The following CSMD1 variants were observed in gnomAD, a reference collection of about 807,000 sequenced individuals.
CSMD1 encodes CUB and sushi domain-containing protein 1.
In CSMD1, 213 loss-of-function variants were observed where a neutral mutation model predicts 417.5. The observed-to-expected ratio is 0.51, with a 90% CI of 0.46 to 0.57. The LOEUF (loss-of-function observed/expected upper bound fraction) is 0.57. Ranked by LOEUF, CSMD1 falls within the 20% of genes least tolerant of loss-of-function variation. The probability of loss-of-function intolerance (pLI) is 0.00; values close to 1 mark genes in which losing one functional copy is unlikely to be tolerated. For synonymous variants in CSMD1, 2,862 were observed against 1,736.8 expected (o/e 1.65, Z -16.11); for missense variants, 6,923 against 4,529.7 (o/e 1.53, Z -15.17).
chr8:4,618,445 G>T lies in CSMD1; in HGVS notation c.302+18897C>A. Among the ~76,000 whole-genome samples, 3 of 152,192 alleles carry T rather than the reference G, an allele frequency of 2.0e-5. No homozygotes were observed. In the South Asian group the frequency reaches 6.2e-4, roughly 32 times the overall value. ...AGGTGGGCAGGACTCACGGAGTGCT[G>T]TTAGGGACCTAAGGCCTATTTTATA... On this transcript the variant is annotated intron_variant, in intron 2 of 69. Coordinates refer to ENST00000635120, the MANE Select transcript of CSMD1 (RefSeq NM_033225.6).
At chr8:4,077,279 CTATA>C (rs34522635) in intron 3 of CSMD1, among the ~76,000 whole-genome samples, 5 of 94,990 alleles carry the variant, frequency 5.3e-5, no homozygotes, top group African/African-American at 1.7e-4. Flanking sequence ...CATTTGTCAC[CTATA>C]TATATATATA....
intron 10 of CSMD1, among the ~76,000 whole-genome samples, chr8:3,551,194 A>T (rs545924830): frequency 6.6e-6 from 1 of 152,230 alleles, no homozygotes; most frequent in Non-Finnish European, 1.5e-5. Context: ...AGATTCAGTG[A>T]GATAATGAAC....
intron 2 of CSMD1, among the ~76,000 whole-genome samples, chr8:4,511,392 C>T (rs1332788441): frequency 4.6e-5 from 7 of 152,180 alleles, no homozygotes; most frequent in African/African-American, 1.4e-4. Flanking sequence ...AATCAGGATT[C>T]TTTGCAAACT....
chr8:3,942,905 T>C (rs1029069153), intron 5 of CSMD1, among the ~76,000 whole-genome samples: 2 of 151,438 alleles, frequency 1.3e-5, no homozygotes, highest in African/African-American at 4.9e-5. Flanking sequence ...ATTGTGATAC[T>C]TTTTTTTGTC....
intron 6 of CSMD1, among the ~76,000 whole-genome samples, chr8:3,752,778 C>A (rs1797424001): frequency 6.6e-6 from 1 of 151,200 alleles, no homozygotes; most frequent in South Asian, 2.1e-4. Flanking sequence ...GCCCCAGGGA[C>A]TGGGTGGCAA....
chr8:4,452,071 G>C (rs573189026), intron 2 of CSMD1, among the ~76,000 whole-genome samples: 2 of 152,048 alleles, frequency 1.3e-5, no homozygotes, highest in African/African-American at 4.8e-5. Context: ...GGGCCAGAAT[G>C]ATCTCCTCTG....
At chr8:3,369,200 T>C in intron 19 of CSMD1, 54 bp downstream of exon 19, 1 of 871,304 alleles carries the variant, frequency 1.1e-6, no homozygotes, top group Non-Finnish European at 1.9e-6. Context: ...TTTGTTCCCG[T>C]TTTTCTGTCT....
chr8:3,347,246 G>A (rs1461659928), intron 22 of CSMD1, among the ~76,000 whole-genome samples: 1 of 152,204 alleles, frequency 6.6e-6, no homozygotes, highest in Non-Finnish European at 1.5e-5. Flanking sequence ...TCAGTGCCTT[G>A]AGGCTAGGTT....
intron 51 of CSMD1, among the ~76,000 whole-genome samples, chr8:3,029,055 G>C (rs376989772): frequency 6.6e-6 from 1 of 152,052 alleles, no homozygotes; most frequent in Non-Finnish European, 1.5e-5. Context: ...ATTTGTCTTT[G>C]AGCTGATTTG....
intron 2 of CSMD1, among the ~76,000 whole-genome samples, chr8:4,570,273 G>A (rs567000870): frequency 1.3e-5 from 2 of 152,098 alleles, no homozygotes; most frequent in Non-Finnish European, 2.9e-5. Context: ...TTGGCTGTGG[G>A]TTTGTCATAC....
chr8:4,919,808 G>C (rs564927812), intron 1 of CSMD1, among the ~76,000 whole-genome samples: 6 of 151,986 alleles, frequency 3.9e-5, no homozygotes, highest in African/African-American at 1.5e-4. Context: ...CATTATAAAA[G>C]GGCATGACCC....
At chr8:3,896,357 A>C (rs1056977876) in intron 5 of CSMD1, among the ~76,000 whole-genome samples, 1 of 152,206 alleles carries the variant, frequency 6.6e-6, no homozygotes, top group Admixed American at 6.5e-5. Context: ...TTAGCAAAAC[A>C]TTAAGACTAA....
At chr8:3,867,541 G>C (rs910138464) in intron 5 of CSMD1, among the ~76,000 whole-genome samples, 1 of 152,096 alleles carries the variant, frequency 6.6e-6, no homozygotes, top group East Asian at 1.9e-4. Flanking sequence ...ACAACAGAAG[G>C]CTAGTGAGAG....
rs995047894 is a variant in CSMD1, at chr8:4,994,669, G to A, written c.-253C>T. 9.5e-6 allele frequency: 4 copies of A among 422,540 alleles called. No homozygotes were observed. The highest frequency in any genetic ancestry group is 1.7e-5 in the Non-Finnish European group (4 of 236,936). 26.2% of individuals were successfully genotyped at this position (422,540 alleles called of 1,614,324 possible). A position where few individuals can be genotyped will look rare whatever the true frequency, so the allele number is the denominator to read the frequency against. ...GACCCGGGCTGGCGGGGCCGGGGCC[G>A]GGGACGAGCGCCGGCCGAGCCGGGC... On this transcript the variant is annotated 5_prime_UTR_variant, in exon 1 of 70. Transcript: ENST00000635120.
At chr8:4,019,040 T>C (rs1192378816) in intron 4 of CSMD1, among the ~76,000 whole-genome samples, 1 of 152,248 alleles carries the variant, frequency 6.6e-6, no homozygotes, top group Non-Finnish European at 1.5e-5. Flanking sequence ...ATGAAATCTT[T>C]ATCGCTTTGA....
intron 29 of CSMD1, among the ~76,000 whole-genome samples, chr8:3,217,385 G>A (rs1324741916): frequency 6.6e-6 from 1 of 152,216 alleles, no homozygotes; most frequent in African/African-American, 2.4e-5. Context: ...AACCTGTAAG[G>A]CCCTTCATAC....
At chr8:4,083,410 C>T (rs1274259914) in intron 3 of CSMD1, among the ~76,000 whole-genome samples, 3 of 152,016 alleles carry the variant, frequency 2.0e-5, no homozygotes, top group Admixed American at 2.0e-4. Context: ...GCATAAATGT[C>T]TTCCGCATCA....
intron 21 of CSMD1, among the ~76,000 whole-genome samples, chr8:3,351,136 G>C (rs571545669): frequency 1.3e-5 from 2 of 152,166 alleles, no homozygotes; most frequent in African/African-American, 2.4e-5. Flanking sequence ...AGATTTCTCA[G>C]TGAATATGTA....
At chr8:4,211,501 A>G (rs1308819096) in intron 3 of CSMD1, among the ~76,000 whole-genome samples, 1 of 152,176 alleles carries the variant, frequency 6.6e-6, no homozygotes, top group East Asian at 1.9e-4. Flanking sequence ...TGGGTGTTTG[A>G]ATGTATTTAT....
Sources: gnomAD v4.1 joint callset for allele counts (sites outside exome capture counted in the v4.1 genomes callset) on GRCh38, gnomAD v4.1.1 for gene constraint, MANE v1.5 for transcripts, NCBI Gene and HGNC (gene_info 2026-07-23, HGNC 2026-07-21) for gene names.